ADAM22: variants seen among roughly 807,000 people sequenced by gnomAD.
The protein encoded by ADAM22 is ADAM metallopeptidase domain 22.
ADAM22 carries 65 observed loss-of-function variants against 144.6 expected under a neutral mutation model. That is an observed-to-expected ratio of 0.45 (90% confidence interval 0.37 to 0.55). The LOEUF (loss-of-function observed/expected upper bound fraction) is 0.55. ADAM22 is among the 20% of genes least tolerant of loss of function. The probability of loss-of-function intolerance (pLI) is 0.00; values close to 1 mark genes in which losing one functional copy is unlikely to be tolerated. For synonymous variants in ADAM22, 391 were observed against 412.6 expected (o/e 0.95, Z 0.63); for missense variants, 974 against 1,184.9 (o/e 0.82, Z 2.61).
intron 18 of ADAM22, 54 bp from the exon 19 acceptor site, chr7:88,150,927 C>A: frequency 7.0e-7 from 1 of 1,421,264 alleles, no homozygotes; most frequent in Non-Finnish European, 9.9e-7. Context: ...AAGGGTTTAG[C>A]TCAGCCTTAT....
At chr7:88,000,480 C>G (rs749398511) in intron 3 of ADAM22, among the ~76,000 whole-genome samples, 1 of 151,964 alleles carries the variant, frequency 6.6e-6, no homozygotes. Flanking sequence ...AATAGGCATG[C>G]ATATTCAGGA....
chr7:87,945,498 ATTTCT>A (rs1244038961), intron 2 of ADAM22, among the ~76,000 whole-genome samples: 2 of 150,788 alleles, frequency 1.3e-5, no homozygotes, highest in Non-Finnish European at 3.0e-5. Flanking sequence ...GAAGCCAATT[ATTTCT>A]TTTCTTTTCT....
At chr7:88,038,865 C>T (rs189550537) in intron 3 of ADAM22, among the ~76,000 whole-genome samples, 18 of 151,814 alleles carry the variant, frequency 1.2e-4, no homozygotes, top group Middle Eastern at 3.4e-3. Flanking sequence ...AATGTAGCCT[C>T]GACCTTCTGG....
chr7:87,990,205 A>G (rs1330294831), intron 3 of ADAM22, among the ~76,000 whole-genome samples: 1 of 152,194 alleles, frequency 6.6e-6, no homozygotes, highest in Non-Finnish European at 1.5e-5. Context: ...AAAAGCAAAC[A>G]GTGATACAGT....
intron 3 of ADAM22, among the ~76,000 whole-genome samples, chr7:88,052,205 A>T (rs1282220127): frequency 6.6e-6 from 1 of 152,054 alleles, no homozygotes. Context: ...GCACATAAAA[A>T]AAAAATTCCC....
chr7:88,159,209 A>C (rs2129528677), intron 22 of ADAM22, among the ~76,000 whole-genome samples: 2 of 152,256 alleles, frequency 1.3e-5, no homozygotes, highest in South Asian at 4.1e-4. Flanking sequence ...AATCAGGAAG[A>C]AATTGATTTC....
At chr7:88,089,436 T>A (rs1259499473) in intron 4 of ADAM22, among the ~76,000 whole-genome samples, 1 of 152,180 alleles carries the variant, frequency 6.6e-6, no homozygotes, top group African/African-American at 2.4e-5. Context: ...GTCTTTGAGA[T>A]AAAATGTGAG....
chr7:88,171,410 T>C (rs1563385019), intron 25 of ADAM22, 134 bp from the exon 26 acceptor site: 2 of 707,290 alleles, frequency 2.8e-6, no homozygotes, highest in Non-Finnish European at 4.6e-6. Context: ...ATTTTAATTC[T>C]GTAATTCAGA....
intron 30 of ADAM22, among the ~76,000 whole-genome samples, chr7:88,188,287 T>G (rs1309334572): frequency 6.6e-6 from 1 of 152,114 alleles, no homozygotes; most frequent in Non-Finnish European, 1.5e-5. Context: ...CTGGGTGAGC[T>G]GAGTAGTTTA....
intron 4 of ADAM22, among the ~76,000 whole-genome samples, chr7:88,091,714 G>A (rs1482999724): frequency 1.3e-5 from 2 of 152,140 alleles, no homozygotes; most frequent in African/African-American, 4.8e-5. Context: ...CAGAATGTGT[G>A]CTATAATCTA....
chr7:88,123,939 A>AT (rs1277760590), intron 7 of ADAM22, among the ~76,000 whole-genome samples: 1 of 151,612 alleles, frequency 6.6e-6, no homozygotes, highest in African/African-American at 2.4e-5. Flanking sequence ...TTTATTATAG[A>AT]TTTTTTAATT....
At chr7:88,061,329 G>A (rs1809792594) in intron 3 of ADAM22, among the ~76,000 whole-genome samples, 1 of 152,132 alleles carries the variant, frequency 6.6e-6, no homozygotes, top group Admixed American at 6.5e-5. Context: ...GAATATGGAT[G>A]TTCTTAATGG....
chr7:88,049,722 A>C (rs1255742419), intron 3 of ADAM22, among the ~76,000 whole-genome samples: 1 of 152,160 alleles, frequency 6.6e-6, no homozygotes, highest in Non-Finnish European at 1.5e-5. Context: ...TTCATGTGTC[A>C]TTTGGATAAC....
In ADAM22 at chr7:88,196,495, C is replaced by A; in HGVS notation, c.*4C>A. ...GCTATGGGAGACATCCATTTAAGAT[C>A]AACTGTTTACATGTGATACATCGAA... is the stretch of plus-strand genomic sequence containing the variant. On this transcript the variant is annotated 3_prime_UTR_variant, in exon 32 of 32. Coordinates refer to ENST00000413139, the MANE Select transcript of ADAM22 (RefSeq NM_001324418.2). 5 of 1,614,030 alleles carry A rather than the reference C, an allele frequency of 3.1e-6. No individual in the cohort carries two copies. Among genetic ancestry groups the A allele is most frequent in the Non-Finnish European group, 3.4e-6 (4 of 1,179,968 alleles).
chr7:88,175,435 A>C (rs913516931), intron 26 of ADAM22, among the ~76,000 whole-genome samples: 2 of 152,202 alleles, frequency 1.3e-5, no homozygotes, highest in Non-Finnish European at 1.5e-5. Context: ...ATTTAATGGG[A>C]TGTATCGATT....
At chr7:87,954,742 C>CA (rs1270368084) in intron 2 of ADAM22, among the ~76,000 whole-genome samples, 14 of 152,154 alleles carry the variant, frequency 9.2e-5, no homozygotes, top group African/African-American at 3.4e-4. Context: ...GAGTGTTTTC[C>CA]AACTTGGTTC....
At chr7:87,994,475 C>T (rs1441901662) in intron 3 of ADAM22, among the ~76,000 whole-genome samples, 2 of 152,044 alleles carry the variant, frequency 1.3e-5, no homozygotes, top group African/African-American at 4.8e-5. Context: ...TACTGTCATT[C>T]TTTAGCCAAA....
chr7:88,059,197 C>T (rs1461681140), intron 3 of ADAM22, among the ~76,000 whole-genome samples: 6 of 152,104 alleles, frequency 3.9e-5, no homozygotes, highest in Admixed American at 3.9e-4. Context: ...CATTTAGGAT[C>T]CTTCTAATGA....
intron 2 of ADAM22, among the ~76,000 whole-genome samples, chr7:87,962,304 T>C (rs956952204): frequency 6.6e-6 from 1 of 152,236 alleles, no homozygotes; most frequent in Non-Finnish European, 1.5e-5. Flanking sequence ...TTTGTTCATG[T>C]TATTGTCAGA....
Sources: allele counts gnomAD v4.1 joint callset (sites outside exome capture counted in the v4.1 genomes callset), GRCh38; gene constraint gnomAD v4.1.1; transcripts MANE v1.5; gene names NCBI Gene and HGNC (gene_info 2026-07-23, HGNC 2026-07-21).